TRIM37: variants seen among roughly 807,000 people sequenced by gnomAD.
The protein encoded by TRIM37 is E3 ubiquitin-protein ligase TRIM37.
TRIM37 carries 80 observed loss-of-function variants against 129.8 expected under a neutral mutation model. The observed-to-expected ratio is 0.62, with a 90% CI of 0.51 to 0.74. The LOEUF is 0.74. Ranked by LOEUF, TRIM37 falls within the 30% of genes least tolerant of loss-of-function variation. The probability of loss-of-function intolerance (pLI) is 0.00; values close to 1 mark genes in which losing one functional copy is unlikely to be tolerated. For missense variants in TRIM37, 1,054 were observed against 1,176.5 expected (o/e 0.90, Z 1.52); for synonymous variants, 389 against 387.1 (o/e 1.00, Z -0.06).
chr17:58,970,429 G>A, the TRIM37 span, among the ~76,000 whole-genome samples: 11 of 152,082 alleles, frequency 7.2e-5, no homozygotes, highest in South Asian at 4.2e-4. Flanking sequence ...AACTGGGGAC[G>A]AATAAAAGAA....
In TRIM37 at chr17:58,998,773, T is replaced by A. The variant is rs964026607; in HGVS notation, c.*604A>T. 2.4e-5 allele frequency: 24 copies of A among 986,142 alleles called. No homozygotes were observed. Among genetic ancestry groups the A allele is most frequent in the Non-Finnish European group, 2.9e-5 (24 of 830,542 alleles). The allele number at this position is 986,142 out of a possible 1,614,324, so 61.1% of individuals were successfully genotyped here. On this transcript the variant is annotated 3_prime_UTR_variant, in exon 24 of 24. Coordinates refer to ENST00000262294, the MANE Select transcript of TRIM37 (RefSeq NM_015294.6). ...TTGTAGAAGTCACACAACAGAAAGA[T>A]ACCATGCGGTTGAACAGTGTGCCTG...
intron 5 of TRIM37, among the ~76,000 whole-genome samples, chr17:59,082,195 C>T (rs950810916): frequency 7.2e-5 from 11 of 151,930 alleles, no homozygotes; most frequent in Middle Eastern, 3.4e-3. Flanking sequence ...CACTTGAAGC[C>T]GGGAGGCGGA....
chr17:59,016,599 C>CAAA (rs57582105), intron 20 of TRIM37, among the ~76,000 whole-genome samples: 13 of 20,770 alleles, frequency 6.3e-4, no homozygotes, highest in Non-Finnish European at 7.9e-4. Context: ...CCTGTCTCGG[C>CAAA]AAAAAAAAAA....
At chr17:59,087,042 C>A (rs969777812) in intron 4 of TRIM37, among the ~76,000 whole-genome samples, 2 of 152,162 alleles carry the variant, frequency 1.3e-5, no homozygotes, top group Non-Finnish European at 2.9e-5. Flanking sequence ...TACAATGCTA[C>A]AAGTGACAGA....
rs774416721 is a variant in TRIM37 at position 59,064,377 on chromosome 17, T to C, written c.838A>G (p.Thr280Ala). The change falls in exon 10 of 24, where the codon ACT (threonine) becomes GCT (alanine). Residue 280 changes from threonine to alanine, a missense_variant. Transcript: ENST00000262294. ...TACCTGAAATTCTCTAAAACAAAAG[T>C]AGCTGAATCGTAAGATGGCACTAAT... ...SELVPSYDSA[T>A]FVLENFSTLR... The C allele has an allele frequency of 1.2e-6, 2 of 1,600,354 alleles. No homozygotes were observed. The highest frequency in any genetic ancestry group is 1.7e-6 in the Non-Finnish European group (2 of 1,172,830).
At chr17:59,002,575 T>C (rs551791469) in intron 22 of TRIM37, among the ~76,000 whole-genome samples, 1 of 152,226 alleles carries the variant, frequency 6.6e-6, no homozygotes, top group African/African-American at 2.4e-5. Flanking sequence ...CTATAAAAAG[T>C]ATTTGTTTCA....
downstream of TRIM37, among the ~76,000 whole-genome samples, chr17:58,978,453 G>A (rs2031156485): frequency 6.6e-6 from 1 of 152,184 alleles, no homozygotes; most frequent in Non-Finnish European, 1.5e-5. Flanking sequence ...GCTCATGCCT[G>A]TTATCCCAGC....
At chr17:59,041,981 C>T in intron 16 of TRIM37, 83 bp from the exon 17 acceptor site, 1 of 926,396 alleles carries the variant, frequency 1.1e-6, no homozygotes. Context: ...TTATGATATG[C>T]AGATTTTTCT....
chr17:59,032,698 G>A (rs1028304244), intron 17 of TRIM37, among the ~76,000 whole-genome samples: 3 of 152,028 alleles, frequency 2.0e-5, no homozygotes, highest in Non-Finnish European at 4.4e-5. Context: ...ACAATTGGGG[G>A]GATGAGAGGT....
chr17:59,012,002 T>C (rs1195117693), intron 22 of TRIM37, among the ~76,000 whole-genome samples: 1 of 152,206 alleles, frequency 6.6e-6, no homozygotes, highest in Non-Finnish European at 1.5e-5. Flanking sequence ...ACAGATGAAC[T>C]ATATGCAGAT....
In TRIM37 at chr17:59,015,702, C is replaced by T; in HGVS notation, c.2484G>A (p.Arg828=). 1 of 1,614,128 alleles carries T rather than the reference C, an allele frequency of 6.2e-7. No homozygotes were observed. The highest frequency in any genetic ancestry group is 8.5e-7 in the Non-Finnish European group (1 of 1,180,024). The change falls in exon 21 of 24, where the codon CGG becomes CGA. Residue 828 remains arginine, a synonymous_variant. Transcript: ENST00000262294. ...IGDILPKTED[R]QCKALDSDAV... ...CATCTGAATCCAAAGCTTTACACTGCCGGTCTTCAGTTTTTGGCAGAATAT... is the reference window on the plus strand; with the variant it reads ...CATCTGAATCCAAAGCTTTACACTGTCGGTCTTCAGTTTTTGGCAGAATAT...
intron 15 of TRIM37, among the ~76,000 whole-genome samples, chr17:59,048,419 C>T (rs559358007): frequency 1.3e-5 from 2 of 152,156 alleles, no homozygotes; most frequent in South Asian, 2.1e-4. Flanking sequence ...AAAAAACCAA[C>T]TGTCTATGCA....
At chr17:59,046,638 C>A (rs1315203925) in intron 16 of TRIM37, among the ~76,000 whole-genome samples, 1 of 151,216 alleles carries the variant, frequency 6.6e-6, no homozygotes, top group African/African-American at 2.4e-5. Flanking sequence ...CCGGGTTCAC[C>A]CCATTCTCCT....
chr17:59,016,396 CAA>C (rs57120937), intron 20 of TRIM37, among the ~76,000 whole-genome samples: 10 of 55,306 alleles, frequency 1.8e-4, no homozygotes, highest in Non-Finnish European at 2.2e-4. Context: ...AACTCCATCT[CAA>C]AAAAAAAAAA....
chr17:59,055,418 G>A (rs911409620), intron 13 of TRIM37, among the ~76,000 whole-genome samples: 47 of 151,620 alleles, frequency 3.1e-4, no homozygotes, highest in African/African-American at 1.0e-3. Context: ...TAAATGGGCC[G>A]GGCGCAGTGG....
chr17:58,971,407 G>A, the TRIM37 span, among the ~76,000 whole-genome samples: 1 of 152,152 alleles, frequency 6.6e-6, no homozygotes, highest in Non-Finnish European at 1.5e-5. Flanking sequence ...TCATTTGGTG[G>A]TGACTCATGT....
At chr17:59,015,200 G>A (rs1272314685) in intron 21 of TRIM37, among the ~76,000 whole-genome samples, 2 of 152,140 alleles carry the variant, frequency 1.3e-5, no homozygotes, top group African/African-American at 2.4e-5. Context: ...CACTCTGGGA[G>A]GCTGAGGTGG....
At chr17:59,064,505 T>G in intron 9 of TRIM37, 100 bp from the exon 10 acceptor site, 1 of 753,674 alleles carries the variant, frequency 1.3e-6, no homozygotes, top group South Asian at 1.7e-5. Context: ...AAAACTTTAT[T>G]AAACTAAAAT....
chr17:59,037,600 A>AT (rs1377711574), intron 17 of TRIM37, among the ~76,000 whole-genome samples: 1 of 141,000 alleles, frequency 7.1e-6, no homozygotes, highest in Non-Finnish European at 1.5e-5. Flanking sequence ...GGCTTTTTTA[A>AT]TTTTTTTATT....
Sources: gnomAD v4.1 joint callset for allele counts (sites outside exome capture counted in the v4.1 genomes callset) on GRCh38, gnomAD v4.1.1 for gene constraint, MANE v1.5 for transcripts, NCBI Gene and HGNC (gene_info 2026-07-23, HGNC 2026-07-21) for gene names.